SMTN: variants seen among roughly 807,000 people sequenced by gnomAD.
The protein encoded by SMTN is smoothelin.
SMTN carries 58 observed loss-of-function variants against 102.0 expected under a neutral mutation model. The ratio of observed to expected loss-of-function variants is 0.57; its 90% CI spans 0.46 to 0.71. The LOEUF is 0.71. Ranked by LOEUF, SMTN falls within the 30% of genes least tolerant of loss-of-function variation. The pLI is 0.00. For synonymous variants in SMTN, 478 were observed against 497.9 expected, an observed-to-expected ratio of 0.96 and a Z score of 0.53; for missense variants, 1,185 against 1,241.7, an observed-to-expected ratio of 0.95 and a Z score of 0.69.
At chr22:31,083,474 C>G in intron 2 of SMTN, 165 bp downstream of exon 2, 1 of 830,256 alleles carries the variant, frequency 1.2e-6, no homozygotes, top group Non-Finnish European at 1.8e-6. Context: ...GATGCAGAGG[C>G]CCTTGTGGCA....
At position 31,088,935 on chromosome 22, in the gene SMTN, A is replaced by G; in HGVS notation, c.437A>G (p.Lys146Arg). The G allele has an allele frequency of 6.2e-7, 1 of 1,613,852 alleles. No homozygotes were observed. The highest frequency in any genetic ancestry group is 8.5e-7 in the Non-Finnish European group (1 of 1,180,016). Reference protein sequence around the residue: ...RPNSGSREDSKGLAAHRLEQC... With the variant: ...RPNSGSREDSRGLAAHRLEQC... ...AACAGTGGCTCAAGAGAGGACAGCA[A>G]GGGGCTAGCGGCACACAGGCTGGAA... The change falls in exon 6 of 21, where the codon AAG becomes AGG. Residue 146 changes from lysine (K) to arginine (R), a missense_variant. Coordinates refer to ENST00000333137, the MANE Select transcript of SMTN (RefSeq NM_134269.3).
chr22:31,089,614 G>C (rs1490147855), intron 6 of SMTN, 85 bp from the exon 7 acceptor site: 8 of 1,314,802 alleles, frequency 6.1e-6, no homozygotes, highest in Admixed American at 3.6e-5. Flanking sequence ...GCCCTGCCCT[G>C]GGCACTTGCC....
chr22:31,086,374 C>T (rs1326724324), intron 2 of SMTN, among the ~76,000 whole-genome samples: 1 of 152,226 alleles, frequency 6.6e-6, no homozygotes, highest in African/African-American at 2.4e-5. Flanking sequence ...TCAATCTCCT[C>T]ATCTGTCAAA....
At position 31,099,852 on chromosome 22, in the gene SMTN, T is replaced by G. The variant is rs375446331; in HGVS notation, c.2559T>G (p.Pro853=). The G allele has an allele frequency of 9.9e-6, 16 of 1,613,918 alleles. No individual in the cohort carries two copies. The African/African-American group carries it at 1.7e-4, about 18-fold the overall frequency. Residue 853 remains proline, a synonymous_variant, in exon 19 of 21, where the codon CCT becomes CCG. Transcript: ENST00000333137. ...CCTTCGACTATGGGCAGCTTAGCCCTCAGAACCGACGCCAGAACTTCGAGG... is the reference window on the plus strand; with the variant it reads ...CCTTCGACTATGGGCAGCTTAGCCCGCAGAACCGACGCCAGAACTTCGAGG... ...PEAFDYGQLS[P]QNRRQNFEVA...
At chr22:31,065,124 AT>A (rs2041813733) in intron 1 of SMTN, 1 of 152,138 alleles carries the variant, frequency 6.6e-6, no homozygotes, top group Admixed American at 6.5e-5. Flanking sequence ...TGGCAAGAAT[AT>A]CACAGAAGTA....
At chr22:31,073,248 CACAT>C (rs1301036507) in intron 1 of SMTN, among the ~76,000 whole-genome samples, 9 of 140,238 alleles carry the variant, frequency 6.4e-5, no homozygotes, top group African/African-American at 2.4e-4. Flanking sequence ...GACACAGACA[CACAT>C]ACACACGCAC....
At chr22:31,093,800 G>C in intron 11 of SMTN, 1 of 1,593,368 alleles carries the variant, frequency 6.3e-7, no homozygotes, top group Non-Finnish European at 8.5e-7. Context: ...GAGGATGCCG[G>C]GACCCCCGTG....
intron 1 of SMTN, among the ~76,000 whole-genome samples, chr22:31,074,070 G>A (rs981713386): frequency 4.6e-5 from 7 of 152,234 alleles, no homozygotes; most frequent in African/African-American, 1.2e-4. Flanking sequence ...TGCCACTTCC[G>A]TATATTCTAT....
chr22:31,089,724 A>G lies in SMTN; in HGVS notation c.497A>G (p.Gln166Arg). ...CEVPEREEQE[Q>R]QAEVSKPTPT... Reference sequence around the variant, plus strand: ...GTGCCAGAGCGAGAGGAACAGGAACAGCAGGCAGAGGTTTCAAAGCCAACC... The same window carrying G: ...GTGCCAGAGCGAGAGGAACAGGAACGGCAGGCAGAGGTTTCAAAGCCAACC... The change falls in exon 7 of 21, where the codon CAG becomes CGG. Residue 166 changes from glutamine to arginine, a missense_variant. Gln to Arg is a conservative substitution (Grantham distance 43). Transcript: ENST00000333137. The G allele has an allele frequency of 6.2e-7, 1 of 1,604,836 alleles. No homozygotes were observed. Among genetic ancestry groups the G allele is most frequent in the Non-Finnish European group, 8.5e-7 (1 of 1,179,032 alleles).
chr22:31,079,416 G>T (rs1353774839), upstream of SMTN, among the ~76,000 whole-genome samples: 1 of 152,228 alleles, frequency 6.6e-6, no homozygotes, highest in Non-Finnish European at 1.5e-5. Context: ...CAAGCATGGA[G>T]GAACTCACCT....
In SMTN at chr22:31,090,037, G is replaced by A. The variant is rs1264623513; in HGVS notation, c.792+18G>A. The A allele has an allele frequency of 1.2e-6, 2 of 1,609,976 alleles. No individual in the cohort carries two copies. Among genetic ancestry groups the A allele is most frequent in the East Asian group, 2.2e-5 (1 of 44,762 alleles). On this transcript the variant is annotated intron_variant, in intron 7 of 20. Coordinates refer to ENST00000333137, the MANE Select transcript of SMTN (RefSeq NM_134269.3). ...TCAACAAGGTGAGTCTGGATGAGGG[G>A]CAGGGATGCCAGGCAAGTGAGCAGG...
At position 31,091,863 on chromosome 22, in the gene SMTN, C is replaced by A; in HGVS notation, c.1632+16C>A. 6.5e-7 allele frequency: 1 copy of A among 1,549,332 alleles called. No homozygotes were observed. The highest frequency in any genetic ancestry group is 8.8e-7 in the Non-Finnish European group (1 of 1,141,520). On this transcript the variant is annotated intron_variant, in intron 11 of 20. Coordinates refer to ENST00000333137, the MANE Select transcript of SMTN (RefSeq NM_134269.3). ...CAGCATCAAGGTGAGCCCCTCCTCA[C>A]CCCACCAGCCTCACCATCCGTCAGC...
intron 13 of SMTN, chr22:31,096,377 C>T: frequency 4.7e-6 from 1 of 214,722 alleles, no homozygotes; most frequent in Non-Finnish European, 9.1e-6. Context: ...TACTTCCTCA[C>T]TCAGCTTCTC....
chr22:31,089,448 C>T (rs1264904492), intron 6 of SMTN, among the ~76,000 whole-genome samples: 4 of 152,240 alleles, frequency 2.6e-5, no homozygotes, highest in Non-Finnish European at 5.9e-5. Flanking sequence ...CCATACCCAC[C>T]CACTGACATC....
chr22:31,097,715 G>GGTAA (rs2043710985), intron 16 of SMTN, among the ~76,000 whole-genome samples: 1 of 145,794 alleles, frequency 6.9e-6, no homozygotes, highest in East Asian at 2.0e-4. Flanking sequence ...AAAATAAATA[G>GGTAA]ATAAATAAAT....
In SMTN at chr22:31,090,950, G is replaced by T; in HGVS notation, c.938-11G>T. ...CCACCCAGTTGCTGACAGCCCTCCT[G>T]TTCCTTCTAGAGTCCACCCCCCTTG... On this transcript the variant is annotated splice_polypyrimidine_tract_variant and intron_variant, in intron 9 of 20. Transcript: ENST00000333137. 6.2e-7 allele frequency: 1 copy of T among 1,612,860 alleles called. No individual in the cohort carries two copies. Among genetic ancestry groups the T allele is most frequent in the South Asian group, 1.1e-5 (1 of 91,030 alleles).
chr22:31,064,433 G>T (rs909233984), intron 1 of SMTN: 1 of 152,150 alleles, frequency 6.6e-6, no homozygotes, highest in African/African-American at 2.4e-5. Context: ...ATGATCCCTG[G>T]TAATGGAGAA....
chr22:31,068,954 C>T (rs1185048548), intron 1 of SMTN, among the ~76,000 whole-genome samples: 1 of 152,006 alleles, frequency 6.6e-6, no homozygotes, highest in South Asian at 2.1e-4. Context: ...AGAGCACAGT[C>T]CCAGGGGAGA....
chr22:31,104,150 G>A (rs1386814882), intron 20 of SMTN, 166 bp from the exon 21 acceptor site: 9 of 724,556 alleles, frequency 1.2e-5, no homozygotes, highest in Non-Finnish European at 1.8e-5. Context: ...CTCCAGGCTT[G>A]GGTAGATGAA....
Sources: gnomAD v4.1 joint callset for allele counts (sites outside exome capture counted in the v4.1 genomes callset) on GRCh38, gnomAD v4.1.1 for gene constraint, MANE v1.5 for transcripts, NCBI Gene and HGNC (gene_info 2026-07-23, HGNC 2026-07-21) for gene names.